The following CD44 variants were observed in gnomAD, a reference collection of about 807,000 sequenced individuals.
The protein encoded by CD44 is CD44 molecule (IN blood group), also known as CD44 antigen.
Under a neutral mutation model 88.8 loss-of-function variants are expected in CD44, and 49 were observed. The ratio of observed to expected loss-of-function variants is 0.55; its 90% CI spans 0.44 to 0.70. The LOEUF (loss-of-function observed/expected upper bound fraction) is 0.70, where lower values mean the gene tolerates loss of function less well. Ranked by LOEUF, CD44 falls within the 30% of genes least tolerant of loss-of-function variation. The pLI, the probability that CD44 is intolerant of heterozygous loss-of-function variation, is 0.00. For missense variants in CD44, 883 were observed against 913.8 expected, an observed-to-expected ratio of 0.97 and a Z score of 0.43; for synonymous variants, 325 against 312.3, an observed-to-expected ratio of 1.04 and a Z score of -0.43.
chr11:35,219,724 T>C (rs1208110188), intron 16 of CD44, among the ~76,000 whole-genome samples: 1 of 152,224 alleles, frequency 6.6e-6, no homozygotes, highest in African/African-American at 2.4e-5. Context: ...CTAGGTCCTT[T>C]CTATCCCAAT....
Position 35,201,782 on chromosome 11 carries a change from G to A in CD44, c.1148G>A (p.Ser383Asn), listed in dbSNP as rs1393570751. The part of the protein sequence containing the change: ...HEEEETPHST[S>N]TIQATPSSTT... ...GAAGAAGAGACCCCACATTCTACAAGCACAAGTAAGCAAGATGGCGGTCGG... is the reference window on the plus strand; with the variant it reads ...GAAGAAGAGACCCCACATTCTACAAACACAAGTAAGCAAGATGGCGGTCGG... Residue 383 changes from serine (S) to asparagine (N), a missense_variant, in exon 9 of 18, where the codon AGC becomes AAC. Physicochemically the swap from Ser to Asn is conservative, Grantham distance 46. This residue lies in a region of CD44 where 631 missense variants were observed against 590.9 expected (regional missense o/e 1.07). Transcript: ENST00000428726. 2 of 1,613,404 alleles carry A rather than the reference G, an allele frequency of 1.2e-6. No individual in the cohort carries two copies. Among genetic ancestry groups the A allele is most frequent in the Non-Finnish European group, 8.5e-7 (1 of 1,179,592 alleles).
intron 1 of CD44, among the ~76,000 whole-genome samples, chr11:35,156,216 T>C (rs1196932659): frequency 1.3e-5 from 2 of 152,222 alleles, no homozygotes; most frequent in East Asian, 3.8e-4. Flanking sequence ...CTCAACTTTT[T>C]AATGAACCCA....
chr11:35,163,580 T>C (rs954890348), intron 1 of CD44, among the ~76,000 whole-genome samples: 1 of 152,210 alleles, frequency 6.6e-6, no homozygotes, highest in African/African-American at 2.4e-5. Context: ...GCTTTTCCTC[T>C]TGCTGTGGTC....
chr11:35,145,811 C>G (rs541056834), intron 1 of CD44, among the ~76,000 whole-genome samples: 1 of 152,098 alleles, frequency 6.6e-6, no homozygotes, highest in Admixed American at 6.5e-5. Flanking sequence ...CCTTCTCTGT[C>G]GGTCTCTTTG....
chr11:35,227,254 C>T (rs541023701), intron 17 of CD44, among the ~76,000 whole-genome samples: 103 of 152,280 alleles, frequency 6.8e-4, no homozygotes, highest in African/African-American at 2.2e-3. Context: ...GGCACAAACA[C>T]AGCTCACTGC....
intron 7 of CD44, chr11:35,198,555 A>G (rs981347526): frequency 3.6e-6 from 1 of 279,214 alleles, no homozygotes; most frequent in African/African-American, 2.2e-5. Context: ...AGTACAAAAA[A>G]TGTACATTGT....
chr11:35,198,362 G>T, intron 7 of CD44, 116 bp downstream of exon 7: 1 of 865,604 alleles, frequency 1.2e-6, no homozygotes, highest in South Asian at 1.9e-5. Flanking sequence ...GTGAACCTAT[G>T]ATCATACCTT....
At chr11:35,156,195 G>A (rs1941840962) in intron 1 of CD44, among the ~76,000 whole-genome samples, 1 of 152,152 alleles carries the variant, frequency 6.6e-6, no homozygotes, top group African/African-American at 2.4e-5. Flanking sequence ...CAAAGCTTAA[G>A]GGTCTAGCAT....
chr11:35,171,431 T>C (rs1943873520), intron 1 of CD44, among the ~76,000 whole-genome samples: 1 of 152,208 alleles, frequency 6.6e-6, no homozygotes, highest in Non-Finnish European at 1.5e-5. Context: ...GCATAGGATT[T>C]CTTCATCCAA....
intron 5 of CD44, among the ~76,000 whole-genome samples, chr11:35,193,996 T>C (rs943731034): frequency 1.3e-5 from 2 of 152,210 alleles, no homozygotes; most frequent in African/African-American, 4.8e-5. Flanking sequence ...GGTACAATGC[T>C]AGACAGATGT....
Position 35,211,414 on chromosome 11 carries a change from G to A in CD44, c.1775G>A (p.Gly592Glu). Reference protein sequence around the residue: ...GSFGVTAVTVGDSNSNVNRSL... With the variant: ...GSFGVTAVTVEDSNSNVNRSL... ...TTTGGAGTTACTGCAGTTACTGTTG[G>A]AGATTCCAACTCTAATGTCAATCGT... is the stretch of plus-strand genomic sequence containing the variant. The change falls in exon 14 of 18, where the codon GGA (glycine) becomes GAA (glutamate). Residue 592 changes from glycine to glutamate, a missense_variant. By Grantham distance (98) the Gly-to-Glu change is moderately conservative. Around this residue, in one of 2 missense-constraint regions of CD44, gnomAD observed 631 missense variants for 590.9 expected, o/e 1.07. Transcript: ENST00000428726. The A allele has an allele frequency of 6.2e-7, 1 of 1,613,876 alleles. No individual in the cohort carries two copies. The highest frequency in any genetic ancestry group is 8.5e-7 in the Non-Finnish European group (1 of 1,179,888).
intron 17 of CD44, among the ~76,000 whole-genome samples, chr11:35,224,241 T>C (rs1471667115): frequency 6.6e-6 from 1 of 152,218 alleles, no homozygotes; most frequent in Non-Finnish European, 1.5e-5. Flanking sequence ...TTGGGGGTTC[T>C]ATTACTTCTT....
intron 5 of CD44, among the ~76,000 whole-genome samples, chr11:35,191,736 A>G (rs1273974190): frequency 6.6e-6 from 1 of 152,208 alleles, no homozygotes; most frequent in Non-Finnish European, 1.5e-5. Flanking sequence ...CTAATAGCCT[A>G]TATAAAATAG....
At chr11:35,201,510 G>A in intron 8 of CD44, 161 bp from the exon 9 acceptor site, 1 of 743,528 alleles carries the variant, frequency 1.3e-6, no homozygotes, top group Non-Finnish European at 2.1e-6. Context: ...ATTTTCTCTT[G>A]AGACCAATTA....
intron 1 of CD44, among the ~76,000 whole-genome samples, chr11:35,151,495 A>G (rs1245432584): frequency 6.6e-6 from 1 of 152,222 alleles, no homozygotes; most frequent in African/African-American, 2.4e-5. Context: ...GGCAATAGCA[A>G]ATAGATTTTA....
intron 5 of CD44, among the ~76,000 whole-genome samples, chr11:35,195,391 T>C (rs1467029127): frequency 6.6e-6 from 1 of 151,980 alleles, no homozygotes; most frequent in East Asian, 1.9e-4. Context: ...ATGGTTGCCA[T>C]ATCACAATGT....
At position 35,170,175 on chromosome 11, in the gene CD44, G is replaced by C. The variant is rs143695623; in HGVS notation, c.68-6400G>C. On this transcript the variant is annotated intron_variant, in intron 1 of 17. Transcript: ENST00000428726. The stretch of plus-strand genomic sequence containing the variant: ...CGCATTGTCATCCCATCAAGGAAGA[G>C]GTGGAGAGTCAGAGAGGTTAAGTAA... Among the ~76,000 whole-genome samples, 1,477 of 152,276 alleles carry C rather than the reference G, an allele frequency of 9.7e-3. 31 individuals are homozygous for C. Among genetic ancestry groups the C allele is most frequent in the African/African-American group, 0.034 (1,412 of 41,550 alleles).
chr11:35,174,282 T>G (rs1433027708), intron 1 of CD44, among the ~76,000 whole-genome samples: 1 of 152,210 alleles, frequency 6.6e-6, no homozygotes, highest in South Asian at 2.1e-4. Context: ...ACTAGAACTG[T>G]GCAAGGAAGA....
intron 1 of CD44, among the ~76,000 whole-genome samples, chr11:35,174,565 G>A (rs939713255): frequency 3.3e-5 from 5 of 152,174 alleles, no homozygotes; most frequent in Admixed American, 2.0e-4. Flanking sequence ...AGCCTTTGAA[G>A]TCTTTTGAGA....
Sources: allele counts gnomAD v4.1 joint callset (sites outside exome capture counted in the v4.1 genomes callset), GRCh38; gene constraint gnomAD v4.1.1; regional missense constraint gnomAD v4.1.1; transcripts MANE v1.5; gene names NCBI Gene and HGNC (gene_info 2026-07-23, HGNC 2026-07-21).